MAGEB16: variants seen among roughly 807,000 people sequenced by gnomAD.
MAGEB16 encodes melanoma-associated antigen B16.
For missense variants in MAGEB16, 217 were observed against 234.0 expected (o/e 0.93, Z 0.47); for synonymous variants, 95 against 92.1 (o/e 1.03, Z -0.18).
exon 1 of MAGEB16, chrX:35,798,350 C>G (rs1249456794): frequency 1.8e-5 from 2 of 108,982 alleles, no homozygotes; most frequent in East Asian, 5.9e-4. Context: ...ACTGTGACGA[C>G]CTTATCTGAG....
chrX:35,802,155 T>G (rs765197794), exon 2 of MAGEB16: 14 of 1,204,615 alleles, frequency 1.2e-5, no homozygotes, highest in African/African-American at 1.8e-5. Context: ...TTGCCTGCCC[T>G]CCTGTCCACA....
intron 1 of MAGEB16, among the ~76,000 whole-genome samples, chrX:35,799,694 C>A: frequency 9.0e-6 from 1 of 111,533 alleles, no homozygotes; most frequent in East Asian, 2.9e-4. Context: ...ATGAGACATC[C>A]ACACACTCCT....
chrX:35,799,783 G>T (rs1457812512), intron 1 of MAGEB16, among the ~76,000 whole-genome samples: 1 of 111,686 alleles, frequency 9.0e-6, no homozygotes, highest in African/African-American at 3.3e-5. Context: ...CCATGAAAAA[G>T]ATCTGGGCCA....
At chrX:35,803,140 A>C (rs776834797) in exon 2 of MAGEB16, 1 of 1,189,839 alleles carries the variant, frequency 8.4e-7, no homozygotes, top group South Asian at 1.9e-5. Context: ...GCTCTGAAAG[A>C]GGAAGAAGAG....
At chrX:35,798,823 G>A (rs1480048700) in intron 1 of MAGEB16, 2 of 110,822 alleles carry the variant, frequency 1.8e-5, no homozygotes, top group Non-Finnish European at 3.8e-5. Context: ...GTCGGCAGAG[G>A]AAGGCATCTC....
rs12012081 is a variant in MAGEB16, at chrX:35,800,643, C to T, written c.-66-1488C>T. The T allele has an allele frequency of 0.018, 9,191 of 517,267 alleles. 594 individuals are homozygous for T. The African/African-American group carries it at 0.19, about 11-fold the overall frequency. 42.6% of individuals were successfully genotyped at this position (517,267 alleles called of 1,213,427 possible). A position where few individuals can be genotyped will look rare whatever the true frequency, so the allele number is the denominator to read the frequency against. ...GGACAGAACGTAGCCCTGCTTAGCC[C>T]TGCTGTCGGTTGTGGGAGGCTCTGG... On this transcript the variant is annotated intron_variant, in intron 1 of 1. Coordinates refer to ENST00000399988, the Ensembl canonical transcript of MAGEB16.
exon 2 of MAGEB16, chrX:35,802,577 G>A: frequency 8.3e-7 from 1 of 1,211,710 alleles, no homozygotes; most frequent in Non-Finnish European, 1.1e-6. Context: ...TGCTGCACAA[G>A]TGTCAGATGA....
rs771270189 is a variant in MAGEB16, at chrX:35,802,883, G to A, written c.687G>A (p.Leu229=). 1.2e-5 allele frequency: 14 copies of A among 1,210,312 alleles called. No homozygotes were observed. In the South Asian group the frequency reaches 2.5e-4, roughly 21 times the overall value. The change falls in exon 2 of 2, where the codon CTG becomes CTA. Residue 229 remains leucine, a synonymous_variant. Transcript: ENST00000399988. Reference sequence around the variant, plus strand: ...CTGAAGAGGAAGTCTGGGAAGTGCTGAATTTGACGGGAGTATATTCTGGGA... The same window carrying A: ...CTGAAGAGGAAGTCTGGGAAGTGCTAAATTTGACGGGAGTATATTCTGGGA...
At chrX:35,798,925 C>CA (rs936480737) in intron 1 of MAGEB16, 6 of 111,503 alleles carry the variant, frequency 5.4e-5, no homozygotes, top group African/African-American at 2.0e-4. Flanking sequence ...GGCTGGAGTG[C>CA]AGTGGTGTGA....
chrX:35,801,724 G>C (rs1934863240), intron 1 of MAGEB16, among the ~76,000 whole-genome samples: 1 of 112,763 alleles, frequency 8.9e-6, no homozygotes, highest in Admixed American at 9.3e-5. Context: ...CTCCAGGTTG[G>C]GTAACTGGAG....
At chrX:35,803,065 T>C (rs1294733624) in exon 2 of MAGEB16, 3 of 1,211,673 alleles carry the variant, frequency 2.5e-6, no homozygotes, top group Non-Finnish European at 3.4e-6. Flanking sequence ...AAGATGAAAG[T>C]CCTGGAGTTT....
rs1934854693 is a variant in MAGEB16 at position 35,800,670 on chromosome X, C to T, written c.-66-1461C>T. The T allele has an allele frequency of 2.4e-5, 12 of 498,966 alleles. 1 individual carries two copies. In the South Asian group the frequency reaches 2.7e-4, roughly 11 times the overall value. 41.1% of individuals were successfully genotyped at this position (498,966 alleles called of 1,213,427 possible). A position where few individuals can be genotyped will look rare whatever the true frequency, so the allele number is the denominator to read the frequency against. ...GCTGTCGGTTGTGGGAGGCTCTGGG[C>T]AGGGCTGTCAGGATGAGATATCTAC... On this transcript the variant is annotated intron_variant, in intron 1 of 1. Transcript: ENST00000399988.
chrX:35,803,470 A>C, exon 2 of MAGEB16: 1 of 228,669 alleles, frequency 4.4e-6, no homozygotes, highest in Non-Finnish European at 8.4e-6. Flanking sequence ...AGTTTTGAAT[A>C]ATATTGGTCA....
chrX:35,802,288 C>T (rs370873415), exon 2 of MAGEB16: 5 of 1,208,880 alleles, frequency 4.1e-6, no homozygotes, highest in Non-Finnish European at 3.4e-6. Context: ...GCACAGGTCT[C>T]CAAGGCTCTG....
intron 1 of MAGEB16, among the ~76,000 whole-genome samples, 163 bp from the exon 2 acceptor site, chrX:35,801,968 C>A (rs745869730): frequency 2.6e-4 from 29 of 112,468 alleles, no homozygotes; most frequent in African/African-American, 8.4e-4. Flanking sequence ...AGAATTCTCA[C>A]TTCATCCTTC....
intron 1 of MAGEB16, among the ~76,000 whole-genome samples, chrX:35,799,703 C>T (rs942697340): frequency 9.0e-6 from 1 of 111,628 alleles, no homozygotes. Context: ...CCACACACTC[C>T]TCTATGGTGT....
At chrX:35,801,926 A>G (rs191473659) in intron 1 of MAGEB16, among the ~76,000 whole-genome samples, 2 of 112,233 alleles carry the variant, frequency 1.8e-5, no homozygotes, top group East Asian at 5.7e-4. Context: ...AACCTGAAAA[A>G]TTCTCACGTT....
rs769654089 is a variant in MAGEB16 at position 35,802,374 on chromosome X, A to G, written c.178A>G (p.Ser60Gly). 2.2e-5 allele frequency: 27 copies of G among 1,207,881 alleles called. No homozygotes were observed. The South Asian group carries it at 4.8e-4, about 21-fold the overall frequency. Residue 60 changes from serine (S) to glycine (G), a missense_variant, in exon 2 of 2, where the codon AGT becomes GGT. Transcript: ENST00000399988. ...GGAAGCTCCTGCTGCTAAGGCAGAG[A>G]GTCCTCTTGAGGTTCCTCAGAGTTT...
chrX:35,801,061 A>G (rs1475565124), intron 1 of MAGEB16, among the ~76,000 whole-genome samples: 2 of 111,716 alleles, frequency 1.8e-5, no homozygotes, highest in East Asian at 5.7e-4. Flanking sequence ...GGATCATGTG[A>G]CAAGCACCCA....
Sources: allele counts gnomAD v4.1 joint callset (sites outside exome capture counted in the v4.1 genomes callset), GRCh38; gene constraint gnomAD v4.1.1; transcripts MANE v1.5; gene names NCBI Gene and HGNC (gene_info 2026-07-23, HGNC 2026-07-21).